ASAP1: variants seen among roughly 807,000 people sequenced by gnomAD.
ASAP1 encodes arf-GAP with SH3 domain, ANK repeat and PH domain-containing protein 1.
ASAP1 carries 43 observed loss-of-function variants against 145.2 expected under a neutral mutation model. That is an observed-to-expected ratio of 0.30 (90% CI 0.23 to 0.38). The LOEUF (loss-of-function observed/expected upper bound fraction) is 0.38, where lower values mean the gene tolerates loss of function less well. ASAP1 is among the 10% of genes least tolerant of loss of function. The pLI is 1.00. For synonymous variants in ASAP1, 546 were observed against 515.5 expected (o/e 1.06, Z -0.80); for missense variants, 1,018 against 1,355.3 (o/e 0.75, Z 3.91).
intron 3 of ASAP1, among the ~76,000 whole-genome samples, chr8:130,324,990 C>T (rs530711394): frequency 1.6e-4 from 24 of 152,312 alleles, no homozygotes; most frequent in African/African-American, 5.5e-4. Flanking sequence ...AAACCCAGAA[C>T]ACTGGCTGCT....
chr8:130,123,971 A>G (rs1370034870), intron 18 of ASAP1, 42 bp downstream of exon 18: 1 of 1,429,176 alleles, frequency 7.0e-7, no homozygotes, highest in Non-Finnish European at 9.8e-7. Context: ...AAAAACAATT[A>G]TAGAATGGTT....
chr8:130,252,208 T>C (rs1393031339), intron 3 of ASAP1, among the ~76,000 whole-genome samples: 1 of 152,224 alleles, frequency 6.6e-6, no homozygotes, highest in African/African-American at 2.4e-5. Flanking sequence ...CTATCATTTA[T>C]TGTCTAATAC....
intron 3 of ASAP1, among the ~76,000 whole-genome samples, chr8:130,291,203 T>G (rs1296078551): frequency 6.6e-6 from 1 of 152,208 alleles, no homozygotes; most frequent in African/African-American, 2.4e-5. Flanking sequence ...AATGTGAATG[T>G]CAAATTCTCC....
chr8:130,418,353 G>A (rs1462929800), intron 1 of ASAP1, among the ~76,000 whole-genome samples: 3 of 152,052 alleles, frequency 2.0e-5, no homozygotes, highest in Non-Finnish European at 4.4e-5. Context: ...TTTGAGACCA[G>A]CCTGACCAAC....
At chr8:130,146,248 T>C (rs1213376094) in intron 13 of ASAP1, among the ~76,000 whole-genome samples, 1 of 152,038 alleles carries the variant, frequency 6.6e-6, no homozygotes, top group Non-Finnish European at 1.5e-5. Context: ...ACCTTCAAAT[T>C]TGTAAATCAA....
chr8:130,362,365 G>C (rs79213223), intron 2 of ASAP1, among the ~76,000 whole-genome samples: 2,994 of 152,278 alleles, frequency 0.02, 94 homozygotes, highest in African/African-American at 0.067. Context: ...TGACGACAAT[G>C]GCTAAAGTGG....
intron 11 of ASAP1, among the ~76,000 whole-genome samples, chr8:130,160,312 T>A (rs769025671): frequency 6.6e-6 from 1 of 152,158 alleles, no homozygotes; most frequent in African/African-American, 2.4e-5. Context: ...CAGGAGGGAC[T>A]GGAAAAAATG....
intron 5 of ASAP1, among the ~76,000 whole-genome samples, chr8:130,189,997 A>AT (rs773668054): frequency 5.7e-4 from 86 of 152,002 alleles, no homozygotes; most frequent in Admixed American, 2.1e-3. Context: ...TTAAAACTGG[A>AT]TTTTTTTCCT....
rs571318262 is a variant in ASAP1 at position 130,397,627 on chromosome 8, C to G, written c.59+4258G>C. On this transcript the variant is annotated intron_variant, in intron 2 of 29. Transcript: ENST00000518721. ...AAGAAAAGCTGACCCCTTCTTAGTG[C>G]CAGTTAAGCAAAGGATGGGGGGAAC... 2.8e-4 allele frequency among the ~76,000 whole-genome samples: 42 copies of G among 152,192 alleles called. 1 individual carries two copies. Among genetic ancestry groups the G allele is most frequent in the Non-Finnish European group, 5.6e-4 (38 of 68,032 alleles).
chr8:130,396,396 G>A (rs534999397), intron 2 of ASAP1, among the ~76,000 whole-genome samples: 1 of 152,158 alleles, frequency 6.6e-6, no homozygotes, highest in East Asian at 1.9e-4. Context: ...AGGGAGGGAG[G>A]AAGACAAGAC....
At chr8:130,438,150 C>T (rs1830380752) in intron 1 of ASAP1, among the ~76,000 whole-genome samples, 1 of 152,188 alleles carries the variant, frequency 6.6e-6, no homozygotes. Flanking sequence ...TCTCAAGAAA[C>T]CGTCTGTTTC....
chr8:130,295,631 C>T (rs1057141320), intron 3 of ASAP1, among the ~76,000 whole-genome samples: 1 of 152,174 alleles, frequency 6.6e-6, no homozygotes, highest in Non-Finnish European at 1.5e-5. Flanking sequence ...AAGGCCTTAA[C>T]CCAGGAGCAG....
chr8:130,439,171 G>A (rs140320002), intron 1 of ASAP1, among the ~76,000 whole-genome samples: 14 of 152,262 alleles, frequency 9.2e-5, no homozygotes, highest in African/African-American at 3.1e-4. Flanking sequence ...CAACACTGCC[G>A]GCTTTGGAGG....
At chr8:130,363,057 T>G (rs1826790911) in intron 2 of ASAP1, among the ~76,000 whole-genome samples, 1 of 152,230 alleles carries the variant, frequency 6.6e-6, no homozygotes, top group Admixed American at 6.5e-5. Context: ...TTCTCCTCTC[T>G]GAGTCTCAGT....
At position 130,276,728 on chromosome 8, in the gene ASAP1, A is replaced by ACACACACACACTCT. The variant is rs548512902; in HGVS notation, c.187-39735_187-39734insAGAGTGTGTGTGTG. On this transcript the variant is annotated intron_variant, in intron 3 of 29. Coordinates refer to ENST00000518721, the MANE Select transcript of ASAP1 (RefSeq NM_018482.4). ...CACACACACACACACACACACACAC[A>ACACACACACACTCT]CTCTCTCTCTCTCTCTCTCTCTCTC... Among the ~76,000 whole-genome samples, 325 of 87,288 alleles carry ACACACACACACTCT rather than the reference A, an allele frequency of 3.7e-3. 1 individual carries two copies. Among genetic ancestry groups the ACACACACACACTCT allele is most frequent in the Non-Finnish European group, 5.0e-3 (228 of 45,404 alleles). 57.3% of individuals were successfully genotyped at this position (87,288 alleles called of 152,430 possible).
Position 130,323,645 on chromosome 8 carries a change from G to A in ASAP1, c.186+34372C>T, listed in dbSNP as rs79347343. The stretch of plus-strand genomic sequence containing the variant: ...TCCCCCTAATTCCCATTTCCAGCCA[G>A]AATGCAGCCTCCACTCCTCTATGGT... On this transcript the variant is annotated intron_variant, in intron 3 of 29. Transcript: ENST00000518721. Among the ~76,000 whole-genome samples, 309 of 152,222 alleles carry A rather than the reference G, an allele frequency of 2.0e-3. 1 individual carries two copies. The highest frequency in any genetic ancestry group is 7.1e-3 in the African/African-American group (295 of 41,558).
At chr8:130,419,096 C>T (rs963058189) in intron 1 of ASAP1, among the ~76,000 whole-genome samples, 10 of 152,184 alleles carry the variant, frequency 6.6e-5, no homozygotes, top group Admixed American at 3.9e-4. Context: ...GGGTCCCGCA[C>T]GCATTGTCTC....
chr8:130,426,924 G>A (rs1408474652), intron 1 of ASAP1, among the ~76,000 whole-genome samples: 2 of 152,154 alleles, frequency 1.3e-5, no homozygotes, highest in South Asian at 4.1e-4. Context: ...ATGAGGATAG[G>A]GATTTTTCTC....
chr8:130,352,508 T>C lies in ASAP1; in HGVS notation c.186+5509A>G, dbSNP rs561550909. The stretch of plus-strand genomic sequence containing the variant: ...AGCATGGCAGACACCCAAAAGGACA[T>C]AGATAAAGGCTGAAACTTAAATGGA... On this transcript the variant is annotated intron_variant, in intron 3 of 29. Transcript: ENST00000518721. 7.2e-5 allele frequency among the ~76,000 whole-genome samples: 11 copies of C among 152,232 alleles called. No homozygotes were observed. In the East Asian group the frequency reaches 1.2e-3, roughly 16 times the overall value.
Sources: allele counts gnomAD v4.1 joint callset (sites outside exome capture counted in the v4.1 genomes callset), GRCh38; gene constraint gnomAD v4.1.1; transcripts MANE v1.5; gene names NCBI Gene and HGNC (gene_info 2026-07-23, HGNC 2026-07-21).